The following PRKCZ variants were observed in gnomAD, a reference collection of about 807,000 sequenced individuals.
PRKCZ encodes protein kinase C zeta type.
PRKCZ carries 33 observed loss-of-function variants against 79.5 expected under a neutral mutation model. The observed-to-expected ratio is 0.41, with a 90% CI of 0.31 to 0.55. The LOEUF (loss-of-function observed/expected upper bound fraction) is 0.55, where lower values mean the gene tolerates loss of function less well. Ranked by LOEUF, PRKCZ falls within the 20% of genes least tolerant of loss-of-function variation. PRKCZ has a pLI of 0.19. For synonymous variants in PRKCZ, 342 were observed against 320.9 expected, an observed-to-expected ratio of 1.07 and a Z score of -0.70; for missense variants, 578 against 813.5, an observed-to-expected ratio of 0.71 and a Z score of 3.52.
At chr1:2,119,057 T>C (rs1014379712) in intron 4 of PRKCZ, among the ~76,000 whole-genome samples, 3 of 79,362 alleles carry the variant, frequency 3.8e-5, no homozygotes, top group African/African-American at 8.2e-5. Context: ...TATTCCACTT[T>C]CCTCCCTTTA....
rs1171524881 is a variant in PRKCZ, at chr1:2,094,002, CGT to C, written c.334+34416_334+34417del. ...CGGGTGGAGGAAGTGCTGCCTGACA[CGT>C]GTGTCTGCTCCCTGCGGCACGTCCA... On this transcript the variant is annotated intron_variant, in intron 4 of 17. Coordinates refer to ENST00000378567, the MANE Select transcript of PRKCZ (RefSeq NM_002744.6). The surrounding 1 kb of genome is among the most constrained non-coding windows in gnomAD (Gnocchi z 7.3). Among the ~76,000 whole-genome samples, 2 of 151,984 alleles carry C rather than the reference CGT, an allele frequency of 1.3e-5. No homozygotes were observed. Among genetic ancestry groups the C allele is most frequent in the African/African-American group, 4.8e-5 (2 of 41,332 alleles).
At position 2,148,807 on chromosome 1, in the gene PRKCZ, C is replaced by T. The variant is rs1330243365; in HGVS notation, c.635-65C>T. 1.3e-5 allele frequency: 20 copies of T among 1,521,644 alleles called. No homozygotes were observed. In the East Asian group the frequency reaches 3.6e-4, roughly 27 times the overall value. The allele number at this position is 1,521,644 out of a possible 1,614,324, so 94.3% of individuals were successfully genotyped here. A position where few individuals can be genotyped will look rare whatever the true frequency, so the allele number is the denominator to read the frequency against. On this transcript the variant is annotated intron_variant, in intron 7 of 17. Coordinates refer to ENST00000378567, the MANE Select transcript of PRKCZ (RefSeq NM_002744.6). ...TGCAGAGGAGCAAGGTCCACAGGGT[C>T]GCTGTGTTCCCAGTGCGTTCCTGAC...
intron 10 of PRKCZ, among the ~76,000 whole-genome samples, chr1:2,159,951 G>A (rs559086902): frequency 3.3e-5 from 5 of 152,276 alleles, no homozygotes; most frequent in East Asian, 1.9e-4. Flanking sequence ...AACTGGAGTC[G>A]GAGGACACTT....
intron 4 of PRKCZ, among the ~76,000 whole-genome samples, chr1:2,098,154 A>G (rs892610371): frequency 6.6e-6 from 1 of 152,254 alleles, no homozygotes; most frequent in African/African-American, 2.4e-5. Context: ...GATAGAGGCT[A>G]GGCAGGGGTT....
rs1048694499 is a variant in PRKCZ, at chr1:2,056,466, G to A, written c.194-18G>A. ...TCGGGCCTTCGGCGACGTCAGCACC[G>A]TCTCCTGCCCCACCCAGGTGACCCT... On this transcript the variant is annotated intron_variant, in intron 2 of 17. Coordinates refer to ENST00000378567, the MANE Select transcript of PRKCZ (RefSeq NM_002744.6). The A allele has an allele frequency of 5.6e-6, 9 of 1,610,142 alleles. No individual in the cohort carries two copies. The highest frequency in any genetic ancestry group is 1.7e-4 in the Middle Eastern group (1 of 5,870).
Position 2,177,226 on chromosome 1 carries a change from C to CCA in PRKCZ, c.1575+1923_1575+1924dup, listed in dbSNP as rs550820169. 7.9e-5 allele frequency among the ~76,000 whole-genome samples: 12 copies of CCA among 152,202 alleles called. No homozygotes were observed. In the East Asian group the frequency reaches 1.7e-3, roughly 22 times the overall value. On this transcript the variant is annotated intron_variant, in intron 16 of 17. Transcript: ENST00000378567. This position sits in a 1 kb window ranked among gnomAD's most constrained non-coding sequence, Gnocchi z 6.4. ...CTCTGGCCCACAGAACCCCTCCGGT[C>CCA]CACACACACACTCAGGTCCAGGTAC...
At chr1:2,055,210 G>T (rs550675456) in intron 1 of PRKCZ, among the ~76,000 whole-genome samples, 29 of 151,102 alleles carry the variant, frequency 1.9e-4, no homozygotes, top group African/African-American at 6.9e-4. Context: ...CCAAAGTGCT[G>T]GGATGACAGG....
intron 11 of PRKCZ, among the ~76,000 whole-genome samples, chr1:2,170,291 G>A (rs766264369): frequency 7.2e-5 from 11 of 152,170 alleles, no homozygotes; most frequent in African/African-American, 2.7e-4. Context: ...CGGCAGCCGC[G>A]GGACCTCCAG....
At chr1:2,159,852 G>C (rs1681862376) in intron 10 of PRKCZ, among the ~76,000 whole-genome samples, 1 of 152,192 alleles carries the variant, frequency 6.6e-6, no homozygotes, top group South Asian at 2.1e-4. Context: ...TCCAAAACGA[G>C]AAATCGCTTC....
chr1:2,080,437 A>G (rs902377185), intron 4 of PRKCZ, among the ~76,000 whole-genome samples: 2 of 146,290 alleles, frequency 1.4e-5, no homozygotes, highest in East Asian at 3.9e-4. Flanking sequence ...AAGGAGGGCA[A>G]AGGCCCCTCT....
chr1:2,161,949 T>C (rs556837985), intron 10 of PRKCZ, among the ~76,000 whole-genome samples: 30 of 152,132 alleles, frequency 2.0e-4, no homozygotes, highest in African/African-American at 4.8e-4. Flanking sequence ...CAAGAGCCTC[T>C]TTATAAACTT....
At chr1:2,144,078 C>T in intron 5 of PRKCZ, 132 bp from the exon 6 acceptor site, 1 of 1,319,422 alleles carries the variant, frequency 7.6e-7, no homozygotes, top group Non-Finnish European at 1.0e-6. Flanking sequence ...CCGGAAGGGA[C>T]AAGGTGCCGG....
rs536006879 is a variant in PRKCZ, at chr1:2,094,854, G to A, written c.334+35263G>A. On this transcript the variant is annotated intron_variant, in intron 4 of 17. Transcript: ENST00000378567. This position sits in a 1 kb window ranked among gnomAD's most constrained non-coding sequence, Gnocchi z 7.3. ...TGGCCTTGGATTCATTTCTGGAGCT[G>A]CAGAGTCACTTCTCTTAGAGCCTGG... Among the ~76,000 whole-genome samples the A allele has an allele frequency of 4.2e-4, 64 of 152,318 alleles. No homozygotes were observed. The highest frequency in any genetic ancestry group is 1.4e-3 in the African/African-American group (59 of 41,538).
rs972252981 is a variant in PRKCZ, at chr1:2,059,547, C to T, written c.290C>T (p.Pro97Leu). The T allele has an allele frequency of 3.9e-5, 63 of 1,614,072 alleles. 1 individual carries two copies. The highest frequency in any genetic ancestry group is 6.7e-5 in the East Asian group (3 of 44,892). Residue 97 changes from proline (P) to leucine (L), a missense_variant, in exon 4 of 18, where the codon CCG becomes CTG. This residue lies in a region of PRKCZ where 228 missense variants were observed against 211.6 expected (regional missense o/e 1.08). Coordinates refer to ENST00000378567, the MANE Select transcript of PRKCZ (RefSeq NM_002744.6). ...CTTTCTCTCTCTTGTCCAGTTTTCCCGAGCACCCCTGAGCAGCCTGGCCTG... is the reference window on the plus strand; with the variant it reads ...CTTTCTCTCTCTTGTCCAGTTTTCCTGAGCACCCCTGAGCAGCCTGGCCTG... ...RDEGLIIHVF[P>L]STPEQPGLPC...
chr1:2,096,123 C>G (rs971402963), intron 4 of PRKCZ, among the ~76,000 whole-genome samples: 6 of 151,676 alleles, frequency 4.0e-5, no homozygotes, highest in Admixed American at 3.3e-4. Context: ...GGCAGTCAAG[C>G]AGATGGGGAC....
intron 4 of PRKCZ, among the ~76,000 whole-genome samples, chr1:2,081,955 C>A (rs151290657): frequency 3.9e-5 from 6 of 152,376 alleles, no homozygotes; most frequent in Non-Finnish European, 7.3e-5. Flanking sequence ...CCATTTGTCC[C>A]CTGCTGGGTG....
chr1:2,108,026 G>T (rs547622513), intron 4 of PRKCZ, among the ~76,000 whole-genome samples: 1 of 152,258 alleles, frequency 6.6e-6, no homozygotes, highest in African/African-American at 2.4e-5. Flanking sequence ...GCCTGCCTCC[G>T]TGGGGTGCTG....
At chr1:2,057,541 T>G (rs1660280340) in intron 3 of PRKCZ, among the ~76,000 whole-genome samples, 1 of 152,184 alleles carries the variant, frequency 6.6e-6, no homozygotes, top group Admixed American at 6.5e-5. Context: ...ACACTTAATT[T>G]TCTTCGCCCT....
chr1:2,133,536 C>G (rs1425870995), intron 4 of PRKCZ: 1 of 149,264 alleles, frequency 6.7e-6, no homozygotes, highest in African/African-American at 2.5e-5. Context: ...TCCACCCCCC[C>G]CAGCTGTGCA....
Sources: allele counts gnomAD v4.1 joint callset (sites outside exome capture counted in the v4.1 genomes callset), GRCh38; gene constraint gnomAD v4.1.1; regional missense constraint gnomAD v4.1.1; non-coding constraint Gnocchi (gnomAD v3.1); transcripts MANE v1.5; gene names NCBI Gene and HGNC (gene_info 2026-07-23, HGNC 2026-07-21).